Variants in PXDNL observed in about 807,000 individuals in gnomAD.
PXDNL encodes probable oxidoreductase PXDNL.
Under a neutral mutation model 150.8 loss-of-function variants are expected in PXDNL, and 145 were observed. The observed-to-expected ratio is 0.96, with a 90% CI of 0.84 to 1.10. The LOEUF (loss-of-function observed/expected upper bound fraction) is 1.10, where lower values mean the gene tolerates loss of function less well. Among genes scored for constraint, PXDNL ranks in the 50% least tolerant of loss-of-function variants. The probability of loss-of-function intolerance (pLI) is 0.00; values close to 1 mark genes in which losing one functional copy is unlikely to be tolerated. For synonymous variants in PXDNL, 757 were observed against 725.7 expected, an observed-to-expected ratio of 1.04 and a Z score of -0.69; for missense variants, 2,087 against 1,873.9, an observed-to-expected ratio of 1.11 and a Z score of -2.10.
Position 51,339,738 on chromosome 8 carries a change from T to C in PXDNL, c.4032A>G (p.Ile1344Met). The change falls in exon 21 of 23, where the codon ATA becomes ATG. Residue 1344 changes from isoleucine (I) to methionine (M), a missense_variant. Coordinates refer to ENST00000356297, the MANE Select transcript of PXDNL (RefSeq NM_144651.5). ...CATTTCTAGCATCTTCACCCACATA[T>C]ATTTTATCTTGTTGCCTATTTATAA... ...SHLRSRQQDK[I>M]YVGEDARNVT... 1 of 1,603,710 alleles carries C rather than the reference T, an allele frequency of 6.2e-7. No individual in the cohort carries two copies. The highest frequency in any genetic ancestry group is 1.7e-4 in the Middle Eastern group (1 of 6,024).
chr8:51,602,322 T>A (rs994474800), intron 2 of PXDNL, among the ~76,000 whole-genome samples: 3 of 152,190 alleles, frequency 2.0e-5, no homozygotes, highest in Admixed American at 6.6e-5. Flanking sequence ...CAATAATTCA[T>A]AGGTTATTTT....
At chr8:51,723,418 C>T (rs1418385462) in intron 1 of PXDNL, among the ~76,000 whole-genome samples, 1 of 152,150 alleles carries the variant, frequency 6.6e-6, no homozygotes, top group Non-Finnish European at 1.5e-5. Flanking sequence ...TCCCAGAACT[C>T]GTGCCGTATC....
At chr8:51,340,876 G>A (rs1464390105) in intron 20 of PXDNL, among the ~76,000 whole-genome samples, 2 of 152,178 alleles carry the variant, frequency 1.3e-5, no homozygotes, top group East Asian at 1.9e-4. Context: ...CAAATGGTTG[G>A]ACATTTTACT....
chr8:51,467,561 C>A (rs190793914), intron 8 of PXDNL, among the ~76,000 whole-genome samples: 9 of 152,140 alleles, frequency 5.9e-5, no homozygotes, highest in African/African-American at 2.2e-4. Context: ...TTCCAAACCT[C>A]AGCATCATGT....
chr8:51,399,630 G>C (rs1043942941), intron 17 of PXDNL, among the ~76,000 whole-genome samples: 1 of 152,218 alleles, frequency 6.6e-6, no homozygotes, highest in Non-Finnish European at 1.5e-5. Flanking sequence ...TGATGACAAT[G>C]CTCTTTGTCT....
chr8:51,653,728 C>G (rs778865203), intron 2 of PXDNL, among the ~76,000 whole-genome samples: 5 of 152,134 alleles, frequency 3.3e-5, no homozygotes, highest in Non-Finnish European at 7.4e-5. Context: ...GATCTCAACT[C>G]TAAAGTTAGA....
intron 19 of PXDNL, among the ~76,000 whole-genome samples, chr8:51,367,574 A>G (rs763215523): frequency 5.3e-5 from 8 of 152,214 alleles, no homozygotes; most frequent in African/African-American, 1.4e-4. Flanking sequence ...TGGGAATTCT[A>G]TAAGAACCTA....
intron 2 of PXDNL, 133 bp downstream of exon 2, chr8:51,654,556 C>A: frequency 3.1e-6 from 2 of 655,228 alleles, no homozygotes; most frequent in South Asian, 1.9e-5. Flanking sequence ...CAGAATTTTC[C>A]CAGTTATAAG....
chr8:51,718,975 C>A (rs1222679166), intron 1 of PXDNL, among the ~76,000 whole-genome samples: 2 of 151,702 alleles, frequency 1.3e-5, no homozygotes, highest in Non-Finnish European at 2.9e-5. Context: ...CCAGCCACCC[C>A]ATCTGGGAGG....
chr8:51,584,437 G>C (rs866073621), intron 3 of PXDNL, among the ~76,000 whole-genome samples: 1 of 152,208 alleles, frequency 6.6e-6, no homozygotes, highest in African/African-American at 2.4e-5. Context: ...TTTCATATTT[G>C]TGTTCTTGGT....
At chr8:51,551,088 A>AACAC (rs1248142823) in intron 4 of PXDNL, among the ~76,000 whole-genome samples, 1 of 152,032 alleles carries the variant, frequency 6.6e-6, no homozygotes, top group Non-Finnish European at 1.5e-5. Flanking sequence ...CAAACAAACA[A>AACAC]ACAAACAAAA....
chr8:51,760,327 G>T (rs1028604347), intron 1 of PXDNL, among the ~76,000 whole-genome samples: 5 of 151,452 alleles, frequency 3.3e-5, no homozygotes, highest in Admixed American at 3.3e-4. Context: ...GGTTAGTAAA[G>T]CTCACAAAGT....
At chr8:51,788,757 C>A (rs929199943) in intron 1 of PXDNL, among the ~76,000 whole-genome samples, 5 of 152,200 alleles carry the variant, frequency 3.3e-5, no homozygotes, top group African/African-American at 1.2e-4. Context: ...GGGATGTGTT[C>A]TTGGCCTTGG....
intron 19 of PXDNL, among the ~76,000 whole-genome samples, chr8:51,350,709 G>A (rs1490352889): frequency 1.3e-5 from 2 of 152,142 alleles, no homozygotes; most frequent in Non-Finnish European, 2.9e-5. Context: ...GTGGTGACAA[G>A]GAAAAGGGAG....
At chr8:51,776,940 C>A (rs1200349812) in intron 1 of PXDNL, among the ~76,000 whole-genome samples, 1 of 152,274 alleles carries the variant, frequency 6.6e-6, no homozygotes, top group East Asian at 1.9e-4. Context: ...AGACAGTCCA[C>A]AACAGATGGC....
At chr8:51,797,181 A>T (rs1355914121) in intron 1 of PXDNL, among the ~76,000 whole-genome samples, 1 of 152,198 alleles carries the variant, frequency 6.6e-6, no homozygotes, top group Non-Finnish European at 1.5e-5. Flanking sequence ...CCTCAAAATA[A>T]TAAGAGCCAT....
intron 1 of PXDNL, among the ~76,000 whole-genome samples, chr8:51,744,944 GAAA>G (rs2036962941): frequency 1.7e-3 from 9 of 5,280 alleles, no homozygotes; most frequent in South Asian, 0.12. Flanking sequence ...AAGAAAGAAA[GAAA>G]GAAAGAAAGA....
intron 4 of PXDNL, among the ~76,000 whole-genome samples, chr8:51,539,884 C>G (rs899030581): frequency 6.6e-6 from 1 of 151,450 alleles, no homozygotes; most frequent in Non-Finnish European, 1.5e-5. Flanking sequence ...TTACTCTTCT[C>G]AGCTATAATT....
rs143922216 is a variant in PXDNL, at chr8:51,416,170, C to T, written c.1796-2912G>A. ...GTTTGTGACAAGTATTGTCATTGGG[C>T]TACTGCATCTGGGACAAAATATGTT... On this transcript the variant is annotated intron_variant, in intron 14 of 22. Coordinates refer to ENST00000356297, the MANE Select transcript of PXDNL (RefSeq NM_144651.5). Among the ~76,000 whole-genome samples the T allele has an allele frequency of 2.8e-3, 428 of 152,254 alleles. 3 individuals are homozygous for T. Among genetic ancestry groups the T allele is most frequent in the African/African-American group, 1.0e-2 (415 of 41,542 alleles).
Sources: gnomAD v4.1 joint callset for allele counts (sites outside exome capture counted in the v4.1 genomes callset) on GRCh38, gnomAD v4.1.1 for gene constraint, MANE v1.5 for transcripts, NCBI Gene and HGNC (gene_info 2026-07-23, HGNC 2026-07-21) for gene names.